NAALADL2: variants seen among roughly 807,000 people sequenced by gnomAD.
The protein encoded by NAALADL2 is inactive N-acetylated-alpha-linked acidic dipeptidase-like protein 2.
A neutral mutation model predicts 87.2 loss-of-function variants in NAALADL2; 76 were observed. The ratio of observed to expected loss-of-function variants is 0.87; its 90% confidence interval spans 0.72 to 1.05. NAALADL2 has a LOEUF of 1.05. NAALADL2 is among the 50% of genes least tolerant of loss of function. NAALADL2 has a pLI of 0.00. For missense variants in NAALADL2, 1,089 were observed against 945.8 expected (o/e 1.15, Z -1.99); for synonymous variants, 354 against 331.0 (o/e 1.07, Z -0.75).
chr3:175,596,911 G>A (rs868369315), intron 10 of NAALADL2, among the ~76,000 whole-genome samples: 4 of 151,870 alleles, frequency 2.6e-5, no homozygotes, highest in Non-Finnish European at 5.9e-5. Context: ...ATTATTCACA[G>A]GCCAGACCAA....
intron 2 of NAALADL2, among the ~76,000 whole-genome samples, chr3:174,721,317 A>G (rs1731688216): frequency 6.6e-6 from 1 of 152,212 alleles, no homozygotes; most frequent in African/African-American, 2.4e-5. Flanking sequence ...TGAGTATTCT[A>G]CATTTAGCAT....
chr3:175,674,166 G>A (rs1734393770), intron 11 of NAALADL2, among the ~76,000 whole-genome samples: 2 of 151,330 alleles, frequency 1.3e-5, no homozygotes, highest in Non-Finnish European at 2.9e-5. Context: ...CTAATTTCTA[G>A]TATTTATTTT....
chr3:175,258,319 ACC>A (rs1560245796), intron 4 of NAALADL2, among the ~76,000 whole-genome samples: 7 of 97,752 alleles, frequency 7.2e-5, no homozygotes, highest in African/African-American at 2.8e-4. Flanking sequence ...CTCCGCCCCC[ACC>A]ACCAAAAAAA....
At chr3:174,802,468 A>G (rs1029676279) in intron 3 of NAALADL2, among the ~76,000 whole-genome samples, 8 of 152,176 alleles carry the variant, frequency 5.3e-5, no homozygotes, top group Non-Finnish European at 4.4e-5. Flanking sequence ...TGACTTCTGT[A>G]TATAATGCTT....
intron 9 of NAALADL2, among the ~76,000 whole-genome samples, chr3:175,560,193 T>A (rs545480152): frequency 6.6e-6 from 1 of 152,282 alleles, no homozygotes; most frequent in Admixed American, 6.5e-5. Context: ...TTTATTCACT[T>A]CTCCTAGATT....
intron 3 of NAALADL2, among the ~76,000 whole-genome samples, chr3:174,831,634 G>A (rs141040704): frequency 0.016 from 2,412 of 151,176 alleles, 68 homozygotes; most frequent in African/African-American, 0.056. Flanking sequence ...AAAAGAGTTA[G>A]GGAGGATTCC....
At chr3:175,643,266 T>C (rs943895795) in intron 11 of NAALADL2, among the ~76,000 whole-genome samples, 1 of 152,214 alleles carries the variant, frequency 6.6e-6, no homozygotes, top group Non-Finnish European at 1.5e-5. Context: ...TGTTTACCTA[T>C]TGTTCTACTG....
At chr3:174,506,949 C>T (rs1385388055) in intron 1 of NAALADL2, among the ~76,000 whole-genome samples, 2 of 151,828 alleles carry the variant, frequency 1.3e-5, no homozygotes, top group East Asian at 1.9e-4. Flanking sequence ...TAATTTGTCT[C>T]ATTTATATTT....
At chr3:174,907,658 A>G (rs964396699) in intron 1 of NAALADL2, among the ~76,000 whole-genome samples, 6 of 152,100 alleles carry the variant, frequency 3.9e-5, no homozygotes, top group African/African-American at 1.4e-4. Flanking sequence ...TTCCTTTTCT[A>G]TGATGACATC....
chr3:174,784,082 T>C (rs1221319194), intron 3 of NAALADL2, among the ~76,000 whole-genome samples: 1 of 152,176 alleles, frequency 6.6e-6, no homozygotes, highest in Non-Finnish European at 1.5e-5. Context: ...TATATAAATA[T>C]TTACATCTTT....
intron 1 of NAALADL2, among the ~76,000 whole-genome samples, chr3:175,013,301 A>ATATTTTTTTT (rs1553916905): frequency 1.4e-5 from 1 of 72,064 alleles, no homozygotes; most frequent in African/African-American, 5.8e-5. Flanking sequence ...ATATATATAT[A>ATATTTTTTTT]TTTTTTTTTT....
chr3:175,237,986 A>T (rs1356223336), intron 3 of NAALADL2, among the ~76,000 whole-genome samples: 1 of 152,214 alleles, frequency 6.6e-6, no homozygotes, highest in African/African-American at 2.4e-5. Context: ...TTATCTGTTT[A>T]CTATCAAAGA....
At position 175,803,801 on chromosome 3, in the gene NAALADL2, AAAG is replaced by A. The variant is rs1428255520; in HGVS notation, c.*600_*602del. The A allele has an allele frequency of 1.3e-5, 2 of 152,400 alleles. No individual in the cohort carries two copies. Among genetic ancestry groups the A allele is most frequent in the Non-Finnish European group, 2.9e-5 (2 of 67,910 alleles). The allele number at this position is 152,400 out of a possible 1,614,324, so 9.4% of individuals were successfully genotyped here. ...TGTATTTTTTTAAGTATTAATGAAA[AAAG>A]AGCCATAAGCATTCCAGGAGAAAAT... On this transcript the variant is annotated 3_prime_UTR_variant, in exon 14 of 14. Transcript: ENST00000454872.
intron 3 of NAALADL2, among the ~76,000 whole-genome samples, chr3:174,738,373 A>G (rs1466399865): frequency 6.6e-6 from 1 of 152,248 alleles, no homozygotes; most frequent in Admixed American, 6.5e-5. Context: ...ACACTTCAGG[A>G]ACATAGACAA....
intron 1 of NAALADL2, among the ~76,000 whole-genome samples, chr3:174,956,022 T>C (rs914469898): frequency 6.6e-6 from 1 of 152,060 alleles, no homozygotes; most frequent in East Asian, 1.9e-4. Flanking sequence ...TTCTTGGAGA[T>C]TATTGCCCAG....
intron 3 of NAALADL2, among the ~76,000 whole-genome samples, chr3:174,817,171 G>A (rs974953499): frequency 6.6e-6 from 1 of 152,228 alleles, no homozygotes; most frequent in Non-Finnish European, 1.5e-5. Context: ...AATCCACAGG[G>A]ATCAAATAAA....
chr3:175,228,135 A>G (rs1305604143), intron 2 of NAALADL2, among the ~76,000 whole-genome samples: 1 of 151,964 alleles, frequency 6.6e-6, no homozygotes, highest in Non-Finnish European at 1.5e-5. Flanking sequence ...AGGTGTGCTC[A>G]TATTCCCTTG....
chr3:174,844,560 A>C lies in NAALADL2; in HGVS notation c.-9+106814A>C, dbSNP rs974656400. On this transcript the variant is annotated intron_variant, in intron 3 of 3. Transcript: ENST00000434257. Reference sequence around the variant, plus strand: ...TCATTGGTATTTTGATAGGAATTGCATCAATTCTGTAGATCTCTTTGGTTG... The same window carrying C: ...TCATTGGTATTTTGATAGGAATTGCCTCAATTCTGTAGATCTCTTTGGTTG... Among the ~76,000 whole-genome samples, 3 of 152,148 alleles carry C rather than the reference A, an allele frequency of 2.0e-5. No homozygotes were observed. The South Asian group carries it at 6.2e-4, about 32-fold the overall frequency.
At chr3:174,812,088 C>G (rs1560248247) in intron 3 of NAALADL2, among the ~76,000 whole-genome samples, 1 of 152,108 alleles carries the variant, frequency 6.6e-6, no homozygotes, top group Non-Finnish European at 1.5e-5. Context: ...TGTGTACAGC[C>G]TGCAGAACCA....
Sources: gnomAD v4.1 joint callset for allele counts (sites outside exome capture counted in the v4.1 genomes callset) on GRCh38, gnomAD v4.1.1 for gene constraint, MANE v1.5 for transcripts, NCBI Gene and HGNC (gene_info 2026-07-23, HGNC 2026-07-21) for gene names.